Variants in LLPH observed in about 807,000 individuals in gnomAD.
LLPH encodes the protein LLP homolog, long-term synaptic facilitation factor.
LLPH carries 5 observed loss-of-function variants against 13.3 expected under a neutral mutation model. The observed-to-expected ratio is 0.38, with a 90% CI of 0.20 to 0.79. LLPH has a LOEUF of 0.79. Ranked by LOEUF, LLPH falls within the 30% of genes least tolerant of loss-of-function variation. LLPH has a pLI of 0.45. For synonymous variants in LLPH, 32 were observed against 44.2 expected (o/e 0.72, Z 1.09); for missense variants, 129 against 152.1 (o/e 0.85, Z 0.80).
At chr12:66,125,489 CAAAT>C (rs1450039168) in intron 2 of LLPH, among the ~76,000 whole-genome samples, 1 of 152,058 alleles carries the variant, frequency 6.6e-6, no homozygotes. Context: ...AAATTGATAA[CAAAT>C]AGATTACTAA....
intron 2 of LLPH, 123 bp from the exon 3 acceptor site, chr12:66,124,141 A>G (rs2051482058): frequency 2.3e-5 from 14 of 609,892 alleles, no homozygotes; most frequent in Non-Finnish European, 3.7e-5. Flanking sequence ...ATAGAGAAGA[A>G]AAAAACTTTA....
intron 2 of LLPH, among the ~76,000 whole-genome samples, chr12:66,124,290 T>TGG: frequency 6.6e-6 from 1 of 152,258 alleles, no homozygotes; most frequent in East Asian, 1.9e-4. Flanking sequence ...TTTCTCATAT[T>TGG]AAGTGATTCC....
intron 2 of LLPH, among the ~76,000 whole-genome samples, chr12:66,127,183 C>G (rs1330943412): frequency 2.1e-4 from 32 of 152,128 alleles, no homozygotes. Context: ...TATGACCCAG[C>G]AATTCCACTT....
chr12:66,116,666 T>G lies in LLPH; in HGVS notation c.*7174A>C, dbSNP rs1248414679. 1.3e-5 allele frequency: 2 copies of G among 152,226 alleles called. No homozygotes were observed. Among genetic ancestry groups the G allele is most frequent in the African/African-American group, 4.8e-5 (2 of 41,456 alleles). 9.4% of individuals were successfully genotyped at this position (152,226 alleles called of 1,614,324 possible). A position where few individuals can be genotyped will look rare whatever the true frequency, so the allele number is the denominator to read the frequency against. On this transcript the variant is annotated 3_prime_UTR_variant, in exon 3 of 3. Coordinates refer to ENST00000266604, the MANE Select transcript of LLPH (RefSeq NM_032338.4). ...GACTATTTAAAGGTTTTGCTGATAT[T>G]GAAAACTATAAAGACACAATGTGAG...
intron 2 of LLPH, 48 bp downstream of exon 2, chr12:66,128,848 C>CAAAAAAAAAAAAAA: frequency 1.0e-6 from 1 of 996,562 alleles, no homozygotes. Flanking sequence ...GACCCTGCCT[C>CAAAAAAAAAAAAAA]AAAAAAAAAA....
intron 2 of LLPH, among the ~76,000 whole-genome samples, chr12:66,125,484 G>A (rs560818554): frequency 6.6e-6 from 1 of 152,142 alleles, no homozygotes; most frequent in Non-Finnish European, 1.5e-5. Context: ...GAGCCAAATT[G>A]ATAACAAATA....
At position 66,121,558 on chromosome 12, in the gene LLPH, G is replaced by A. The variant is rs1176320723; in HGVS notation, c.*2282C>T. 6.6e-6 allele frequency: 1 copy of A among 151,704 alleles called. No homozygotes were observed. Among genetic ancestry groups the A allele is most frequent in the African/African-American group, 2.4e-5 (1 of 41,320 alleles). The allele number at this position is 151,704 out of a possible 1,614,324, so 9.4% of individuals were successfully genotyped here. On this transcript the variant is annotated 3_prime_UTR_variant, in exon 3 of 3. Transcript: ENST00000266604. Reference sequence around the variant, plus strand: ...CAGCCTCCCAAATTGTTAGAATTTGGTGCCTGGCCCCCTTTTCCAAAAATC... The same window carrying A: ...CAGCCTCCCAAATTGTTAGAATTTGATGCCTGGCCCCCTTTTCCAAAAATC...
chr12:66,129,511 G>A (rs532999714), intron 1 of LLPH, among the ~76,000 whole-genome samples: 3 of 151,398 alleles, frequency 2.0e-5, no homozygotes, highest in African/African-American at 4.9e-5. Flanking sequence ...TCAGCCTCCC[G>A]AGCAGCTGGG....
Position 66,123,725 on chromosome 12 carries a change from T to G in LLPH, c.*115A>C. ...TTTGAATTGAAGAAAAAAGGCCAAG[T>G]TAAAATAGGAAAACAAATGGTTTTC... On this transcript the variant is annotated 3_prime_UTR_variant, in exon 3 of 3. Transcript: ENST00000266604. The G allele has an allele frequency of 8.4e-7, 1 of 1,196,004 alleles. No homozygotes were observed. The highest frequency in any genetic ancestry group is 1.2e-6 in the Non-Finnish European group (1 of 855,226). The allele number at this position is 1,196,004 out of a possible 1,614,324, so 74.1% of individuals were successfully genotyped here.
chr12:66,127,909 G>C (rs956612597), intron 2 of LLPH, among the ~76,000 whole-genome samples: 13 of 152,188 alleles, frequency 8.5e-5, no homozygotes, highest in Non-Finnish European at 1.9e-4. Flanking sequence ...GCAGATGCAT[G>C]AGTACAACCC....
rs2051455534 is a variant in LLPH, at chr12:66,120,378, A to C, written c.*3462T>G. ...GTAAGAGTATAGGCTCTAGAGCCAC[A>C]CTGCCTAAATTTGAATCCCAGATTT... is the stretch of plus-strand genomic sequence containing the variant. On this transcript the variant is annotated 3_prime_UTR_variant, in exon 3 of 3. Transcript: ENST00000266604. 1 of 152,226 alleles carries C rather than the reference A, an allele frequency of 6.6e-6. No individual in the cohort carries two copies. The highest frequency in any genetic ancestry group is 2.1e-4 in the South Asian group (1 of 4,832). The allele number at this position is 152,226 out of a possible 1,614,324, so 9.4% of individuals were successfully genotyped here.
chr12:66,129,067 G>T lies in LLPH; in HGVS notation c.40C>A (p.Arg14Ser), dbSNP rs765411892. ...SLRSKWKRKM[R>S]AEKRKKNAPK... ...GCATTCTTTTTTCTCTTTTCAGCAC[G>T]CATCTTTCTTTTCCACTTACTCCGT... The change falls in exon 2 of 3, where the codon CGT becomes AGT. Residue 14 changes from arginine to serine, a missense_variant. Transcript: ENST00000266604. 6 of 1,611,832 alleles carry T rather than the reference G, an allele frequency of 3.7e-6. No individual in the cohort carries two copies. Among genetic ancestry groups the T allele is most frequent in the South Asian group, 1.1e-5 (1 of 90,668 alleles).
Position 66,119,527 on chromosome 12 carries a change from G to A in LLPH, c.*4313C>T, listed in dbSNP as rs895436104. 5 of 152,140 alleles carry A rather than the reference G, an allele frequency of 3.3e-5. No individual in the cohort carries two copies. The highest frequency in any genetic ancestry group is 1.2e-4 in the African/African-American group (5 of 41,432). The allele number at this position is 152,140 out of a possible 1,614,324, so 9.4% of individuals were successfully genotyped here. On this transcript the variant is annotated 3_prime_UTR_variant, in exon 3 of 3. Coordinates refer to ENST00000266604, the MANE Select transcript of LLPH (RefSeq NM_032338.4). ...CCCTAAACATTTCCTTGTAAAATTGGTATGTGTCTACTGCAACAGTGTTTT... is the reference window on the plus strand; with the variant it reads ...CCCTAAACATTTCCTTGTAAAATTGATATGTGTCTACTGCAACAGTGTTTT...
rs1458831661 is a variant in LLPH, at chr12:66,122,458, G to A, written c.*1382C>T. The A allele has an allele frequency of 2.6e-5, 4 of 152,138 alleles. No homozygotes were observed. Among genetic ancestry groups the A allele is most frequent in the Non-Finnish European group, 4.4e-5 (3 of 68,024 alleles). The allele number at this position is 152,138 out of a possible 1,614,324, so 9.4% of individuals were successfully genotyped here. Reference sequence around the variant, plus strand: ...TTATTCAATCTGTCCCAAGCATCTGGAAAGTCCCTGGCCCACATACTAGGC... The same window carrying A: ...TTATTCAATCTGTCCCAAGCATCTGAAAAGTCCCTGGCCCACATACTAGGC... On this transcript the variant is annotated 3_prime_UTR_variant, in exon 3 of 3. Transcript: ENST00000266604.
intron 2 of LLPH, 121 bp from the exon 3 acceptor site, chr12:66,124,139 GA>G (rs1357330267): frequency 2.9e-5 from 18 of 610,918 alleles, no homozygotes; most frequent in Middle Eastern, 3.7e-4. Context: ...AAATAGAGAA[GA>G]AAAAAACTTT....
In LLPH at chr12:66,130,747, A is replaced by G. The variant is rs544424038; in HGVS notation, c.-50T>C. The stretch of plus-strand genomic sequence containing the variant: ...ACACCTCACGCTCACGCCGACCGGA[A>G]GTCTTTGCACTTCCGTCTTCCGGGC... On this transcript the variant is annotated 5_prime_UTR_variant, in exon 1 of 3. Coordinates refer to ENST00000266604, the MANE Select transcript of LLPH (RefSeq NM_032338.4). 1.3e-5 allele frequency: 2 copies of G among 152,414 alleles called. No individual in the cohort carries two copies. The highest frequency in any genetic ancestry group is 3.9e-4 in the East Asian group (2 of 5,184). 9.4% of individuals were successfully genotyped at this position (152,414 alleles called of 1,614,324 possible).
chr12:66,119,511 T>C lies in LLPH; in HGVS notation c.*4329A>G, dbSNP rs1444937501. 6.6e-6 allele frequency: 1 copy of C among 152,180 alleles called. No individual in the cohort carries two copies. Among genetic ancestry groups the C allele is most frequent in the Non-Finnish European group, 1.5e-5 (1 of 68,014 alleles). 9.4% of individuals were successfully genotyped at this position (152,180 alleles called of 1,614,324 possible). A position where few individuals can be genotyped will look rare whatever the true frequency, so the allele number is the denominator to read the frequency against. On this transcript the variant is annotated 3_prime_UTR_variant, in exon 3 of 3. Transcript: ENST00000266604. ...AACAGTCCCACCTCACCCCTAAACA[T>C]TTCCTTGTAAAATTGGTATGTGTCT...
chr12:66,122,691 C>T lies in LLPH; in HGVS notation c.*1149G>A, dbSNP rs1242351026. On this transcript the variant is annotated 3_prime_UTR_variant, in exon 3 of 3. Coordinates refer to ENST00000266604, the MANE Select transcript of LLPH (RefSeq NM_032338.4). Reference sequence around the variant, plus strand: ...AGACGCTAAACAGGTTTCTTTGCTGCTGGAACCCTGTAGGACTATTCTAAT... The same window carrying T: ...AGACGCTAAACAGGTTTCTTTGCTGTTGGAACCCTGTAGGACTATTCTAAT... 1 of 152,172 alleles carries T rather than the reference C, an allele frequency of 6.6e-6. No homozygotes were observed. The highest frequency in any genetic ancestry group is 1.5e-5 in the Non-Finnish European group (1 of 68,028). 9.4% of individuals were successfully genotyped at this position (152,172 alleles called of 1,614,324 possible).
At chr12:66,130,352 C>G (rs1377677575) in intron 1 of LLPH, 1 of 152,188 alleles carries the variant, frequency 6.6e-6, no homozygotes, top group Admixed American at 6.5e-5. Flanking sequence ...ACTTGTTGAA[C>G]GAACCACTAA....
Sources: allele counts gnomAD v4.1 joint callset (sites outside exome capture counted in the v4.1 genomes callset), GRCh38; gene constraint gnomAD v4.1.1; transcripts MANE v1.5; gene names NCBI Gene and HGNC (gene_info 2026-07-23, HGNC 2026-07-21).